PRKN: variants seen among roughly 807,000 people sequenced by gnomAD.
The protein encoded by PRKN is E3 ubiquitin-protein ligase parkin.
In PRKN, 56 loss-of-function variants were observed where a neutral mutation model predicts 59.5. That is an observed-to-expected ratio of 0.94 (90% CI 0.76 to 1.18). The LOEUF is 1.18. Ranked by LOEUF, PRKN falls within the 50% of genes most tolerant of loss-of-function variation. The probability of loss-of-function intolerance (pLI) is 0.00; values close to 1 mark genes in which losing one functional copy is unlikely to be tolerated. For missense variants in PRKN, 657 were observed against 596.4 expected (o/e 1.10, Z -1.06); for synonymous variants, 250 against 222.1 (o/e 1.13, Z -1.12).
At chr6:162,119,530 G>A (rs990515118) in intron 4 of PRKN, among the ~76,000 whole-genome samples, 5 of 152,128 alleles carry the variant, frequency 3.3e-5, no homozygotes, top group Admixed American at 2.6e-4. Flanking sequence ...AAGAGGCAAG[G>A]GAACTTCCTT....
chr6:162,568,968 G>A (rs747660063), intron 1 of PRKN: 9 of 672,404 alleles, frequency 1.3e-5, no homozygotes, highest in Non-Finnish European at 2.2e-5. Flanking sequence ...GCTGGCTGAC[G>A]AGATCAATTT....
chr6:162,573,630 C>A (rs942718448), intron 1 of PRKN, among the ~76,000 whole-genome samples: 3 of 152,204 alleles, frequency 2.0e-5, no homozygotes, highest in African/African-American at 4.8e-5. Flanking sequence ...GAGGTTTCTA[C>A]ATTTTAATAA....
At chr6:162,223,036 G>T (rs1245136729) in intron 3 of PRKN, among the ~76,000 whole-genome samples, 1 of 129,416 alleles carries the variant, frequency 7.7e-6, no homozygotes, top group Non-Finnish European at 1.6e-5. Context: ...AGTCCCCAGA[G>T]TGTGATGTTC....
chr6:162,257,625 T>C (rs1281170854), intron 3 of PRKN, among the ~76,000 whole-genome samples: 2 of 152,018 alleles, frequency 1.3e-5, no homozygotes, highest in Non-Finnish European at 2.9e-5. Context: ...GATATGAACA[T>C]GGTCTACCTT....
At chr6:161,702,555 G>A (rs772706141) in intron 7 of PRKN, among the ~76,000 whole-genome samples, 2 of 151,986 alleles carry the variant, frequency 1.3e-5, no homozygotes, top group African/African-American at 2.4e-5. Flanking sequence ...GGGAGGAGAG[G>A]GGAATTGGTG....
chr6:162,087,334 A>G (rs1779283909), intron 4 of PRKN, among the ~76,000 whole-genome samples: 1 of 152,238 alleles, frequency 6.6e-6, no homozygotes, highest in African/African-American at 2.4e-5. Context: ...CCTAAAAATC[A>G]GTTTTAATAA....
rs147941909 is a variant in PRKN at position 161,868,345 on chromosome 6, G to A, written c.735-82437C>T. ...TGTAATCCCAGCACTTTGGGAGGCCGAGGCTGGTGGATCACTCGAAGCTAG... is the reference window on the plus strand; with the variant it reads ...TGTAATCCCAGCACTTTGGGAGGCCAAGGCTGGTGGATCACTCGAAGCTAG... On this transcript the variant is annotated intron_variant, in intron 6 of 11. Coordinates refer to ENST00000366898, the MANE Select transcript of PRKN (RefSeq NM_004562.3). Among the ~76,000 whole-genome samples, 589 of 149,676 alleles carry A rather than the reference G, an allele frequency of 3.9e-3. 25 individuals carry two copies. The East Asian group carries it at 0.081, about 21-fold the overall frequency.
chr6:162,148,731 A>T (rs1462186482), intron 4 of PRKN, among the ~76,000 whole-genome samples: 1 of 152,228 alleles, frequency 6.6e-6, no homozygotes, highest in Non-Finnish European at 1.5e-5. Context: ...CCCTGCAAAG[A>T]GCCAAAGAGC....
Position 162,172,885 on chromosome 6 carries a change from G to T in PRKN, c.534+28246C>A, listed in dbSNP as rs544782185. ...GAGGCAGATAAGCACAGAGTCCAAG[G>T]CCTTCCTCTCCAGAAGAAAGAGGAA... On this transcript the variant is annotated intron_variant, in intron 4 of 11. Coordinates refer to ENST00000366898, the MANE Select transcript of PRKN (RefSeq NM_004562.3). Among the ~76,000 whole-genome samples, 3 of 152,224 alleles carry T rather than the reference G, an allele frequency of 2.0e-5. No individual in the cohort carries two copies. The South Asian group carries it at 6.2e-4, about 32-fold the overall frequency.
chr6:162,226,451 T>G (rs756382106), intron 3 of PRKN, among the ~76,000 whole-genome samples: 7 of 152,154 alleles, frequency 4.6e-5, no homozygotes, highest in Non-Finnish European at 8.8e-5. Flanking sequence ...CAGAGCCATG[T>G]GGGTCAAATT....
At chr6:161,704,610 C>T (rs1786404041) in intron 7 of PRKN, among the ~76,000 whole-genome samples, 1 of 152,146 alleles carries the variant, frequency 6.6e-6, no homozygotes, top group African/African-American at 2.4e-5. Flanking sequence ...TCTGCACACC[C>T]AGGTCCTCCG....
intron 2 of PRKN, among the ~76,000 whole-genome samples, chr6:162,395,429 T>C (rs1787427174): frequency 6.6e-6 from 1 of 152,162 alleles, no homozygotes; most frequent in South Asian, 2.1e-4. Flanking sequence ...GCACTTCAGT[T>C]TGCCACAGTG....
At chr6:162,666,365 C>T (rs1779103740) in intron 1 of PRKN, among the ~76,000 whole-genome samples, 1 of 145,654 alleles carries the variant, frequency 6.9e-6, no homozygotes, top group Non-Finnish European at 1.5e-5. Context: ...AGCTATAATT[C>T]CTTGGAAAAC....
intron 2 of PRKN, among the ~76,000 whole-genome samples, chr6:162,427,158 A>T (rs144789349): frequency 5.9e-5 from 9 of 152,350 alleles, no homozygotes; most frequent in African/African-American, 2.2e-4. Context: ...AGAAAAGTTT[A>T]CACCAGTCAG....
In PRKN at chr6:162,196,623, C is replaced by T. The variant is rs114813904; in HGVS notation, c.534+4508G>A. 3.5e-3 allele frequency among the ~76,000 whole-genome samples: 538 copies of T among 152,282 alleles called. 5 individuals carry two copies. Among genetic ancestry groups the T allele is most frequent in the African/African-American group, 0.012 (498 of 41,568 alleles). On this transcript the variant is annotated intron_variant, in intron 4 of 11. Transcript: ENST00000366898. ...GTCACCATGCAAGAAAGAGGATATT[C>T]TGATATGGAGATGAAGAAAATTTGA...
In PRKN at chr6:161,581,216, A is replaced by G. The variant is rs1477603593; in HGVS notation, c.872-11800T>C. ...AGAGTGAGACTCTGTCTCAAAAAAA[A>G]AAAAAAAGTTTCTCTATGTATCAAT... On this transcript the variant is annotated intron_variant, in intron 7 of 11. Transcript: ENST00000366898. The surrounding 1 kb of genome is among the most constrained non-coding windows in gnomAD (Gnocchi z 4.5). 6.6e-6 allele frequency among the ~76,000 whole-genome samples: 1 copy of G among 152,106 alleles called. No individual in the cohort carries two copies.
intron 6 of PRKN, among the ~76,000 whole-genome samples, chr6:161,875,880 C>T (rs1392784632): frequency 1.3e-5 from 2 of 152,072 alleles, no homozygotes; most frequent in Non-Finnish European, 2.9e-5. Flanking sequence ...TGGGGCCATG[C>T]AGGATGTTAC....
chr6:162,661,965 T>TC, intron 1 of PRKN, among the ~76,000 whole-genome samples: 1 of 152,298 alleles, frequency 6.6e-6, no homozygotes, highest in Non-Finnish European at 1.5e-5. Context: ...TCAACCCTCA[T>TC]CCCCTCCCAC....
chr6:162,036,706 A>T (rs1333847245), intron 5 of PRKN, among the ~76,000 whole-genome samples: 1 of 152,074 alleles, frequency 6.6e-6, no homozygotes, highest in Non-Finnish European at 1.5e-5. Context: ...GAAACGCCTT[A>T]AAAAGACCTG....
Sources: allele counts gnomAD v4.1 joint callset (sites outside exome capture counted in the v4.1 genomes callset), GRCh38; gene constraint gnomAD v4.1.1; non-coding constraint Gnocchi (gnomAD v3.1); transcripts MANE v1.5; gene names NCBI Gene and HGNC (gene_info 2026-07-23, HGNC 2026-07-21).